CEP290: variants seen among roughly 807,000 people sequenced by gnomAD.
CEP290 encodes the protein centrosomal protein 290.
In CEP290, 317 loss-of-function variants were observed where a neutral mutation model predicts 344.9. That is an observed-to-expected ratio of 0.92 (90% CI 0.84 to 1.01). The LOEUF is 1.01. CEP290 is among the 50% of genes least tolerant of loss of function. The pLI, the probability that CEP290 is intolerant of heterozygous loss-of-function variation, is 0.00. For synonymous variants in CEP290, 932 were observed against 895.8 expected, an observed-to-expected ratio of 1.04 and a Z score of -0.72; for missense variants, 2,754 against 2,761.4, an observed-to-expected ratio of 1.00 and a Z score of 0.06.
chr12:88,138,538 A>G (rs1166524516), intron 5 of CEP290, among the ~76,000 whole-genome samples: 1 of 152,092 alleles, frequency 6.6e-6, no homozygotes, highest in Non-Finnish European at 1.5e-5. Context: ...AATTTTACCT[A>G]ATTTCCTTAA....
At position 88,061,736 on chromosome 12, in the gene CEP290, C is replaced by T. The variant is rs550275435; in HGVS notation, c.6358-742G>A. ...TTAACACATATTTTCATTGATGAAA[C>T]AAATGTTGCTGCCAGCAAGATACTG... is the stretch of plus-strand genomic sequence containing the variant. On this transcript the variant is annotated intron_variant, in intron 46 of 53. Coordinates refer to ENST00000552810, the MANE Select transcript of CEP290 (RefSeq NM_025114.4). 2.8e-4 allele frequency among the ~76,000 whole-genome samples: 43 copies of T among 151,354 alleles called. 1 individual carries two copies. The highest frequency in any genetic ancestry group is 9.9e-4 in the African/African-American group (41 of 41,350).
intron 6 of CEP290, chr12:88,136,053 T>C (rs2040337355): frequency 6.6e-6 from 1 of 152,146 alleles, no homozygotes; most frequent in Non-Finnish European, 1.5e-5. Context: ...TATTAGTTTA[T>C]AACAAGGAAT....
At chr12:88,114,369 ATC>A in intron 20 of CEP290, 49 bp downstream of exon 20, 2 of 1,426,286 alleles carry the variant, frequency 1.4e-6, no homozygotes, top group Non-Finnish European at 1.9e-6. Context: ...ACAGCAGAAA[ATC>A]TCTCTAAAGT....
rs2039204524 is a variant in CEP290 at position 88,118,525 on chromosome 12, GA to G, written c.1668del (p.Arg557ValfsTer16). The G allele has an allele frequency of 2.5e-6, 4 of 1,573,962 alleles. No homozygotes were observed. Among genetic ancestry groups the G allele is most frequent in the Admixed American group, 1.9e-5 (1 of 53,170 alleles). ...TTTCCTCTTTCTTGAGCCATTTGAC[GA>G]ATTTTTTTTTTCAGATCAAGTCGTT... The part of the protein sequence containing the change: ...EEERLDLKKK[I>X]RQMAQERGKR... On this transcript the variant is annotated frameshift_variant, in exon 17 of 54. Coordinates refer to ENST00000552810, the MANE Select transcript of CEP290 (RefSeq NM_025114.4). LOFTEE classifies it high-confidence loss of function.
chr12:88,084,501 A>C, intron 35 of CEP290, 85 bp downstream of exon 35: 1 of 1,212,056 alleles, frequency 8.3e-7, no homozygotes, highest in Non-Finnish European at 1.2e-6. Context: ...CAAGAAAAGA[A>C]ATACCACTTT....
rs1367715172 is a variant in CEP290 at position 88,121,063 on chromosome 12, C to T, written c.1293G>A (p.Glu431=). The change falls in exon 14 of 54, where the codon GAG becomes GAA. Residue 431 remains glutamate, a synonymous_variant. Coordinates refer to ENST00000552810, the MANE Select transcript of CEP290 (RefSeq NM_025114.4). ...CTTTATCCTTTTCCCTAGCATCAGCCTCAGCCAGTTCAGCTGTTCTCTCAG... is the reference window on the plus strand; with the variant it reads ...CTTTATCCTTTTCCCTAGCATCAGCTTCAGCCAGTTCAGCTGTTCTCTCAG... ...KEAERTAELA[E]ADAREKDKEL... is the part of the protein sequence containing the mutation. The T allele has an allele frequency of 6.2e-7, 1 of 1,613,578 alleles. No homozygotes were observed. The highest frequency in any genetic ancestry group is 1.6e-4 in the Middle Eastern group (1 of 6,062).
Position 88,118,656 on chromosome 12 carries a change from A to C in CEP290, c.1610T>G (p.Ile537Ser). ...TACCACACTTGCCTCTTTCAAAAGA[A>C]TCTGGTTTTCAGCTCTGTACTGCTG... ...KQQQYRAENQ[I>S]LLKEIESLEE... is the part of the protein sequence containing the mutation. The change falls in exon 16 of 54, where the codon ATT (isoleucine) becomes AGT (serine). Residue 537 changes from isoleucine (I) to serine (S), a missense_variant. By Grantham distance (142) the Ile-to-Ser change is moderately radical. Transcript: ENST00000552810. 1 of 1,613,448 alleles carries C rather than the reference A, an allele frequency of 6.2e-7. No individual in the cohort carries two copies. Among genetic ancestry groups the C allele is most frequent in the South Asian group, 1.1e-5 (1 of 91,072 alleles).
In CEP290 at chr12:88,138,831, A is replaced by G. The variant is rs115185579; in HGVS notation, c.297+314T>C. Among the ~76,000 whole-genome samples, 498 of 152,286 alleles carry G rather than the reference A, an allele frequency of 3.3e-3. 5 individuals are homozygous for G. Among genetic ancestry groups the G allele is most frequent in the African/African-American group, 0.011 (477 of 41,558 alleles). ...TTCAGCTTTGTCAAAAATTACTTCT[A>G]TAACACCCTTTCGTCACTATTCCTC... is the stretch of plus-strand genomic sequence containing the variant. On this transcript the variant is annotated intron_variant, in intron 5 of 53. Coordinates refer to ENST00000552810, the MANE Select transcript of CEP290 (RefSeq NM_025114.4).
chr12:88,107,155 G>C, intron 23 of CEP290, 57 bp from the exon 24 acceptor site: 1 of 1,101,186 alleles, frequency 9.1e-7, no homozygotes, highest in East Asian at 2.7e-5. Flanking sequence ...ATGTTTATAA[G>C]AAAAGATAAC....
At chr12:88,065,322 G>T (rs1592758724) in intron 44 of CEP290, among the ~76,000 whole-genome samples, 1 of 84,346 alleles carries the variant, frequency 1.2e-5, no homozygotes, top group Non-Finnish European at 3.2e-5. Context: ...TCCAATGACT[G>T]CATGTGTCCA....
chr12:88,057,434 G>A (rs2034099097), intron 49 of CEP290, among the ~76,000 whole-genome samples: 1 of 152,146 alleles, frequency 6.6e-6, no homozygotes, highest in Admixed American at 6.6e-5. Context: ...GATTATAGAA[G>A]AAAACAAAGG....
chr12:88,114,251 T>C (rs554768443), intron 20 of CEP290, among the ~76,000 whole-genome samples, 169 bp downstream of exon 20: 98 of 152,178 alleles, frequency 6.4e-4, no homozygotes, highest in Non-Finnish European at 1.0e-3. Context: ...ATCCAATTGG[T>C]AGAAGAAAAG....
chr12:88,094,827 GCC>G (rs1329418753), intron 27 of CEP290, among the ~76,000 whole-genome samples: 2 of 151,986 alleles, frequency 1.3e-5, no homozygotes, highest in Non-Finnish European at 2.9e-5. Context: ...TTTGTAAACA[GCC>G]TTTTACAATA....
At chr12:88,107,442 A>C (rs1483151273) in intron 23 of CEP290, among the ~76,000 whole-genome samples, 1 of 152,130 alleles carries the variant, frequency 6.6e-6, no homozygotes, top group Non-Finnish European at 1.5e-5. Flanking sequence ...AATTCTAGAA[A>C]TCAAATTCCA....
At chr12:88,102,721 G>C (rs1416561635) in intron 26 of CEP290, 117 bp downstream of exon 26, 2 of 751,544 alleles carry the variant, frequency 2.7e-6, no homozygotes, top group Admixed American at 6.1e-5. Flanking sequence ...TTATATCTCT[G>C]TTAAATTTAT....
intron 31 of CEP290, 119 bp from the exon 32 acceptor site, chr12:88,088,063 A>C: frequency 2.4e-6 from 1 of 410,470 alleles, no homozygotes; most frequent in Non-Finnish European, 4.3e-6. Flanking sequence ...ATAAGACACA[A>C]TGTTATCTTT....
Position 88,105,681 on chromosome 12 carries a change from T to G in CEP290, c.2817+994A>C, listed in dbSNP as rs186920262. ...TTGTATGGTACCAAAATATCACCAGTTAGCTAAATTGCTTAATAATGGAGG... is the reference window on the plus strand; with the variant it reads ...TTGTATGGTACCAAAATATCACCAGGTAGCTAAATTGCTTAATAATGGAGG... On this transcript the variant is annotated intron_variant, in intron 25 of 53. Transcript: ENST00000552810. Among the ~76,000 whole-genome samples, 46 of 152,270 alleles carry G rather than the reference T, an allele frequency of 3.0e-4. 1 individual carries two copies. Among genetic ancestry groups the G allele is most frequent in the Admixed American group, 2.9e-3 (44 of 15,292 alleles).
chr12:88,079,054 T>A, intron 39 of CEP290, 38 bp downstream of exon 39: 1 of 1,494,758 alleles, frequency 6.7e-7, no homozygotes, highest in Non-Finnish European at 8.9e-7. Flanking sequence ...ATAGGAATTA[T>A]CAGAAATTTT....
intron 27 of CEP290, among the ~76,000 whole-genome samples, chr12:88,096,456 T>C (rs895421530): frequency 2.6e-5 from 4 of 152,126 alleles, no homozygotes; most frequent in Admixed American, 2.0e-4. Flanking sequence ...TACAGTAATA[T>C]AGTAGTAAAA....
Sources: gnomAD v4.1 joint callset for allele counts (sites outside exome capture counted in the v4.1 genomes callset) on GRCh38, gnomAD v4.1.1 for gene constraint, MANE v1.5 for transcripts, NCBI Gene and HGNC (gene_info 2026-07-23, HGNC 2026-07-21) for gene names.